Variants in LRRFIP1 observed in about 807,000 individuals in gnomAD.
The protein encoded by LRRFIP1 is LRR binding FLII interacting protein 1.
Under a neutral mutation model 104.4 loss-of-function variants are expected in LRRFIP1, and 62 were observed. The ratio of observed to expected loss-of-function variants is 0.59; its 90% CI spans 0.48 to 0.73. LRRFIP1 has a LOEUF of 0.73. Ranked by LOEUF, LRRFIP1 falls within the 30% of genes least tolerant of loss-of-function variation. The probability of loss-of-function intolerance (pLI) is 0.00; values close to 1 mark genes in which losing one functional copy is unlikely to be tolerated. For synonymous variants in LRRFIP1, 300 were observed against 299.0 expected, an observed-to-expected ratio of 1.00 and a Z score of -0.03; for missense variants, 796 against 824.5, an observed-to-expected ratio of 0.97 and a Z score of 0.42.
At chr2:237,635,735 G>C (rs778622325) in intron 1 of LRRFIP1, among the ~76,000 whole-genome samples, 1 of 152,120 alleles carries the variant, frequency 6.6e-6, no homozygotes, top group Non-Finnish European at 1.5e-5. Flanking sequence ...TGAGGCAGGA[G>C]CATCGCTTAA....
At chr2:237,708,943 T>C (rs1297460016) in intron 2 of LRRFIP1, among the ~76,000 whole-genome samples, 1 of 152,242 alleles carries the variant, frequency 6.6e-6, no homozygotes, top group Non-Finnish European at 1.5e-5. Flanking sequence ...ACTGTTGTAC[T>C]AGAATCTAGA....
Position 237,755,501 on chromosome 2 carries a change from G to A in LRRFIP1, c.1039-594G>A, listed in dbSNP as rs908162051. Among the ~76,000 whole-genome samples the A allele has an allele frequency of 2.6e-5, 4 of 152,216 alleles. No individual in the cohort carries two copies. In the East Asian group the frequency reaches 7.7e-4, roughly 29 times the overall value. On this transcript the variant is annotated intron_variant, in intron 15 of 23. Transcript: ENST00000308482. ...TGGAAGACACCAGGCTCCCTGGGGGGGCCCTTCGTCGGCTCTTGCTTCACT... is the reference window on the plus strand; with the variant it reads ...TGGAAGACACCAGGCTCCCTGGGGGAGCCCTTCGTCGGCTCTTGCTTCACT...
chr2:237,632,775 GGGTGGAGAGTC>G (rs77464374), intron 1 of LRRFIP1, among the ~76,000 whole-genome samples: 60,666 of 151,752 alleles, frequency 0.4, 12,491 homozygotes, highest in East Asian at 0.45. Flanking sequence ...GGCTCCTCTG[GGGTGGAGAGTC>G]CAGGACTGAG....
chr2:237,673,193 C>T (rs1335189652), intron 1 of LRRFIP1, among the ~76,000 whole-genome samples: 1 of 152,162 alleles, frequency 6.6e-6, no homozygotes, highest in Non-Finnish European at 1.5e-5. Context: ...AAAAAATAAA[C>T]ATGGCAATTC....
intron 19 of LRRFIP1, chr2:237,763,817 A>G (rs2060093766): frequency 1.2e-6 from 2 of 1,614,068 alleles, no homozygotes; most frequent in South Asian, 2.2e-5. Flanking sequence ...AGGTGTTGCA[A>G]AAGATAATGC....
At chr2:237,779,222 A>G in intron 23 of LRRFIP1, 200 bp from the exon 24 acceptor site, 1 of 495,996 alleles carries the variant, frequency 2.0e-6, no homozygotes, top group Non-Finnish European at 2.6e-6. Flanking sequence ...TCAAGAAAAA[A>G]AAAAGAAAAC....
At chr2:237,633,276 T>G (rs2082648194) in intron 1 of LRRFIP1, among the ~76,000 whole-genome samples, 1 of 152,222 alleles carries the variant, frequency 6.6e-6, no homozygotes, top group Non-Finnish European at 1.5e-5. Context: ...TTACCAACAG[T>G]CTGAGCTGTT....
intron 2 of LRRFIP1, among the ~76,000 whole-genome samples, chr2:237,710,798 G>A (rs1375251983): frequency 6.6e-6 from 1 of 152,162 alleles, no homozygotes; most frequent in Non-Finnish European, 1.5e-5. Context: ...TCCTTTGATT[G>A]AAAGGAAGCC....
At chr2:237,742,171 A>G (rs2057187939) in intron 11 of LRRFIP1, among the ~76,000 whole-genome samples, 1 of 152,266 alleles carries the variant, frequency 6.6e-6, no homozygotes, top group Admixed American at 6.5e-5. Context: ...CAGGTTTATT[A>G]GATGATCATA....
At chr2:237,761,366 G>A (rs1428567063) in intron 19 of LRRFIP1, among the ~76,000 whole-genome samples, 1 of 152,172 alleles carries the variant, frequency 6.6e-6, no homozygotes, top group East Asian at 1.9e-4. Flanking sequence ...CTCTAGATAG[G>A]TATGTAGTAT....
In LRRFIP1 at chr2:237,781,275, A is replaced by AT. The variant is rs1356964805; in HGVS notation, c.*1748dup. ...CGGCAGCATGCTGACGCTTTTAGGT[A>AT]TTTTTCACTCATGCAATTTTCACAT... On this transcript the variant is annotated 3_prime_UTR_variant, in exon 24 of 24. Transcript: ENST00000308482. Among the ~76,000 whole-genome samples, 1 of 152,174 alleles carries AT rather than the reference A, an allele frequency of 6.6e-6. No homozygotes were observed. Among genetic ancestry groups the AT allele is most frequent in the African/African-American group, 2.4e-5 (1 of 41,448 alleles).
At position 237,779,547 on chromosome 2, in the gene LRRFIP1, C is replaced by T; in HGVS notation, c.*15C>T. 2 of 1,599,734 alleles carry T rather than the reference C, an allele frequency of 1.3e-6. No individual in the cohort carries two copies. The highest frequency in any genetic ancestry group is 8.6e-7 in the Non-Finnish European group (1 of 1,167,422). On this transcript the variant is annotated 3_prime_UTR_variant, in exon 24 of 24. Coordinates refer to ENST00000308482, the MANE Select transcript of LRRFIP1 (RefSeq NM_001137550.2). ...CCCAGCAGTAAATTCCAGCTCTGAT[C>T]AGGCAACTGGTTGGTGACTGGAGAG...
intron 11 of LRRFIP1, among the ~76,000 whole-genome samples, chr2:237,739,821 G>GT (rs1358008424): frequency 1.3e-5 from 2 of 152,144 alleles, no homozygotes; most frequent in Non-Finnish European, 2.9e-5. Flanking sequence ...TCCCCAGCTT[G>GT]TTAAGTCTCA....
chr2:237,762,525 A>T, intron 19 of LRRFIP1: 2 of 1,154,346 alleles, frequency 1.7e-6, no homozygotes, highest in Non-Finnish European at 1.2e-6. Context: ...GGGATTTGGA[A>T]CGTGTGTTTA....
rs376976066 is a variant in LRRFIP1 at position 237,704,872 on chromosome 2, G to T, written c.97-3672G>T. 2.6e-4 allele frequency among the ~76,000 whole-genome samples: 40 copies of T among 152,284 alleles called. No individual in the cohort carries two copies. In the South Asian group the frequency reaches 7.9e-3, roughly 30 times the overall value. On this transcript the variant is annotated intron_variant, in intron 1 of 23. Transcript: ENST00000308482. The stretch of plus-strand genomic sequence containing the variant: ...TGCCCTAACATGATTCATCCATGGG[G>T]TTCCTTTATCAGCCCAAGCCCATGT...
chr2:237,739,393 T>C, intron 11 of LRRFIP1, 84 bp downstream of exon 11: 1 of 1,163,880 alleles, frequency 8.6e-7, no homozygotes, highest in Non-Finnish European at 1.2e-6. Context: ...CGTCTCCAAA[T>C]TTAGAATATT....
intron 1 of LRRFIP1, chr2:237,692,119 C>G (rs2092822899): frequency 3.4e-6 from 2 of 579,940 alleles, no homozygotes; most frequent in Non-Finnish European, 3.9e-6. Context: ...GGGGCGTAGC[C>G]GGGAGGGCCC....
At chr2:237,733,909 C>T (rs2095130653) in intron 9 of LRRFIP1, 91 bp downstream of exon 9, 2 of 1,375,170 alleles carry the variant, frequency 1.5e-6, no homozygotes, top group East Asian at 2.3e-5. Context: ...TGTGCCTGTT[C>T]CCAGCCCCCT....
intron 8 of LRRFIP1, among the ~76,000 whole-genome samples, chr2:237,730,872 T>G (rs1050195826): frequency 6.6e-6 from 1 of 152,108 alleles, no homozygotes; most frequent in Non-Finnish European, 1.5e-5. Flanking sequence ...GAGCCAAGAT[T>G]GCACCACTGC....
Sources: gnomAD v4.1 joint callset for allele counts (sites outside exome capture counted in the v4.1 genomes callset) on GRCh38, gnomAD v4.1.1 for gene constraint, MANE v1.5 for transcripts, NCBI Gene and HGNC (gene_info 2026-07-23, HGNC 2026-07-21) for gene names.